The following DYNC1I1 variants were observed in gnomAD, a reference collection of about 807,000 sequenced individuals.
DYNC1I1 encodes the protein dynein cytoplasmic 1 intermediate chain 1.
Under a neutral mutation model 86.6 loss-of-function variants are expected in DYNC1I1, and 43 were observed. The ratio of observed to expected loss-of-function variants is 0.50; its 90% CI spans 0.39 to 0.64. DYNC1I1 has a LOEUF of 0.64. Ranked by LOEUF, DYNC1I1 falls within the 30% of genes least tolerant of loss-of-function variation. The pLI, the probability that DYNC1I1 is intolerant of heterozygous loss-of-function variation, is 0.00. For synonymous variants in DYNC1I1, 262 were observed against 283.7 expected, an observed-to-expected ratio of 0.92 and a Z score of 0.77; for missense variants, 604 against 788.8, an observed-to-expected ratio of 0.77 and a Z score of 2.81.
chr7:95,876,405 C>G (rs1790310180), intron 6 of DYNC1I1, among the ~76,000 whole-genome samples: 1 of 152,112 alleles, frequency 6.6e-6, no homozygotes, highest in Non-Finnish European at 1.5e-5. Flanking sequence ...ACTGGAATAT[C>G]CTTTCTCCCT....
intron 14 of DYNC1I1, among the ~76,000 whole-genome samples, chr7:96,039,660 G>T (rs1277085850): frequency 6.6e-6 from 1 of 152,028 alleles, no homozygotes; most frequent in East Asian, 1.9e-4. Context: ...TTCAAATAAT[G>T]ATAAAGCTGC....
intron 6 of DYNC1I1, among the ~76,000 whole-genome samples, chr7:95,899,005 GT>G (rs1790964111): frequency 1.3e-5 from 2 of 152,032 alleles, no homozygotes; most frequent in Non-Finnish European, 2.9e-5. Flanking sequence ...AAATGCTTTT[GT>G]TTTGTCACCA....
chr7:95,944,970 A>G (rs929616673), intron 6 of DYNC1I1, among the ~76,000 whole-genome samples: 5 of 151,946 alleles, frequency 3.3e-5, no homozygotes, highest in Admixed American at 3.3e-4. Context: ...ACATGTATAC[A>G]TATGTAACTA....
At chr7:95,775,152 C>T (rs1793809586) in intron 1 of DYNC1I1, among the ~76,000 whole-genome samples, 1 of 152,198 alleles carries the variant, frequency 6.6e-6, no homozygotes, top group South Asian at 2.1e-4. Context: ...GAAACTAAGA[C>T]ACAAAGGTGT....
At chr7:95,933,598 A>G (rs1791960509) in intron 6 of DYNC1I1, among the ~76,000 whole-genome samples, 1 of 152,206 alleles carries the variant, frequency 6.6e-6, no homozygotes, top group Non-Finnish European at 1.5e-5. Context: ...CTATATTTTC[A>G]TGAAGAAATG....
At chr7:95,976,450 G>A (rs991880328) in intron 6 of DYNC1I1, among the ~76,000 whole-genome samples, 1 of 152,142 alleles carries the variant, frequency 6.6e-6, no homozygotes, top group Non-Finnish European at 1.5e-5. Context: ...CATTTATAAT[G>A]TATTCTAAGT....
intron 6 of DYNC1I1, among the ~76,000 whole-genome samples, chr7:95,935,607 C>T (rs962138811): frequency 3.9e-5 from 6 of 151,920 alleles, no homozygotes; most frequent in Admixed American, 3.9e-4. Flanking sequence ...TGTGCAAGTG[C>T]TCCAATTAAA....
chr7:95,791,294 G>A (rs1794295644), intron 1 of DYNC1I1, among the ~76,000 whole-genome samples: 1 of 152,218 alleles, frequency 6.6e-6, no homozygotes, highest in Non-Finnish European at 1.5e-5. Context: ...TCGAGAGAGA[G>A]TGCCCATTTC....
chr7:96,107,869 GTTTTTTT>G (rs1178550637), intron 16 of DYNC1I1, among the ~76,000 whole-genome samples: 11 of 119,070 alleles, frequency 9.2e-5, no homozygotes, highest in Admixed American at 8.7e-4. Flanking sequence ...TCATTGACAG[GTTTTTTT>G]TTTTTTTTTT....
chr7:95,973,533 G>T (rs319305), intron 6 of DYNC1I1, among the ~76,000 whole-genome samples: 73,551 of 151,938 alleles, frequency 0.48, 18,212 homozygotes, highest in African/African-American at 0.56. Context: ...TGTTGTGAGT[G>T]TTTTTTTAGA....
At chr7:95,950,172 C>A (rs1044324671) in intron 6 of DYNC1I1, among the ~76,000 whole-genome samples, 1 of 152,144 alleles carries the variant, frequency 6.6e-6, no homozygotes, top group East Asian at 1.9e-4. Context: ...ACGAGCCTTG[C>A]GAAAACACAG....
chr7:96,081,876 G>T (rs1790530738), intron 16 of DYNC1I1, among the ~76,000 whole-genome samples: 1 of 151,544 alleles, frequency 6.6e-6, no homozygotes, highest in South Asian at 2.1e-4. Context: ...AATGACTTTA[G>T]AAATGGGAGT....
chr7:95,856,173 T>C (rs1034462661), intron 5 of DYNC1I1, among the ~76,000 whole-genome samples: 2 of 152,216 alleles, frequency 1.3e-5, no homozygotes, highest in South Asian at 2.1e-4. Flanking sequence ...TTTTAAACTT[T>C]TTTGTTAAGA....
chr7:95,990,092 G>C (rs1280902051), intron 9 of DYNC1I1, among the ~76,000 whole-genome samples: 5 of 152,066 alleles, frequency 3.3e-5, no homozygotes, highest in African/African-American at 1.2e-4. Flanking sequence ...TTGATCTCCT[G>C]GGCTTCTTAA....
In DYNC1I1 at chr7:96,075,648, G is replaced by A. The variant is rs1215044049; in HGVS notation, c.1510-409G>A. On this transcript the variant is annotated intron_variant, in intron 14 of 16. Transcript: ENST00000447467. ...TGCCTTCAATGAAAGGGTTCGGGGC[G>A]GTCGGGACCGCCGGGGCTTCAGAAC... is the stretch of plus-strand genomic sequence containing the variant. Among the ~76,000 whole-genome samples the A allele has an allele frequency of 2.0e-5, 3 of 152,328 alleles. No homozygotes were observed. In the East Asian group the frequency reaches 5.8e-4, roughly 29 times the overall value.
intron 14 of DYNC1I1, among the ~76,000 whole-genome samples, chr7:96,074,468 G>A (rs1790268421): frequency 1.3e-5 from 2 of 150,784 alleles, no homozygotes; most frequent in African/African-American, 4.9e-5. Context: ...GGAGAATGGC[G>A]TGAACCCGGG....
chr7:95,945,935 A>C (rs2116463532), intron 6 of DYNC1I1, among the ~76,000 whole-genome samples: 1 of 152,346 alleles, frequency 6.6e-6, no homozygotes, highest in South Asian at 2.1e-4. Context: ...TGAATAAAGA[A>C]AATGTGGTAC....
chr7:95,900,089 G>A lies in DYNC1I1; in HGVS notation c.490+30091G>A, dbSNP rs1033664474. 5.3e-5 allele frequency among the ~76,000 whole-genome samples: 8 copies of A among 152,066 alleles called. No individual in the cohort carries two copies. In the South Asian group the frequency reaches 1.0e-3, roughly 20 times the overall value. On this transcript the variant is annotated intron_variant, in intron 6 of 16. Coordinates refer to ENST00000447467, the MANE Select transcript of DYNC1I1 (RefSeq NM_001135556.2). ...CATGTGTATTTCTGCTGCCTTTTCC[G>A]GCCACAGCTTGGGGAGCTTGTCTGT...
chr7:95,973,727 G>A (rs1237516958), intron 6 of DYNC1I1, among the ~76,000 whole-genome samples: 1 of 152,040 alleles, frequency 6.6e-6, no homozygotes, highest in Non-Finnish European at 1.5e-5. Context: ...TTTGGTCATG[G>A]TGTTTCTTTT....
Sources: allele counts gnomAD v4.1 joint callset (sites outside exome capture counted in the v4.1 genomes callset), GRCh38; gene constraint gnomAD v4.1.1; transcripts MANE v1.5; gene names NCBI Gene and HGNC (gene_info 2026-07-23, HGNC 2026-07-21).